DHRS7B: variants seen among roughly 807,000 people sequenced by gnomAD.
The protein encoded by DHRS7B is dehydrogenase/reductase 7B.
A neutral mutation model predicts 26.4 loss-of-function variants in DHRS7B; 24 were observed. The observed-to-expected ratio is 0.91, with a 90% CI of 0.66 to 1.28. The LOEUF is 1.28. Ranked by LOEUF, DHRS7B falls within the 50% of genes most tolerant of loss-of-function variation. DHRS7B has a pLI of 0.00. For synonymous variants in DHRS7B, 142 were observed against 166.4 expected, an observed-to-expected ratio of 0.85 and a Z score of 1.13; for missense variants, 368 against 419.4, an observed-to-expected ratio of 0.88 and a Z score of 1.07.
intron 1 of DHRS7B, among the ~76,000 whole-genome samples, chr17:21,144,100 G>GAA (rs1373472008): frequency 1.3e-5 from 2 of 152,208 alleles, no homozygotes; most frequent in Non-Finnish European, 2.9e-5. Flanking sequence ...CTATCAGGTT[G>GAA]AGAAACACTC....
At chr17:21,171,303 C>G (rs1054186712) in intron 1 of DHRS7B, among the ~76,000 whole-genome samples, 4 of 152,266 alleles carry the variant, frequency 2.6e-5, no homozygotes, top group Admixed American at 6.5e-5. Flanking sequence ...CAACTGCACA[C>G]TGTTGCACAG....
At chr17:21,137,395 C>T (rs1369508129) in intron 1 of DHRS7B, among the ~76,000 whole-genome samples, 1 of 149,530 alleles carries the variant, frequency 6.7e-6, no homozygotes, top group Admixed American at 6.7e-5. Flanking sequence ...TTACCGGGTT[C>T]ACACCATCCT....
intron 1 of DHRS7B, among the ~76,000 whole-genome samples, chr17:21,136,510 C>T (rs968062801): frequency 6.7e-6 from 1 of 149,914 alleles, no homozygotes; most frequent in Non-Finnish European, 1.5e-5. Flanking sequence ...AACTCCGTCT[C>T]AAAAGAAAAA....
At chr17:21,172,329 G>A (rs1276224568) in intron 2 of DHRS7B, 133 bp downstream of exon 2, 5 of 1,086,482 alleles carry the variant, frequency 4.6e-6, no homozygotes, top group East Asian at 2.6e-5. Context: ...GAAGTGGGCC[G>A]GATGGCACTG....
In DHRS7B at chr17:21,188,732, C is replaced by T; in HGVS notation, c.641C>T (p.Thr214Ile). Reference sequence around the variant, plus strand: ...GTAGATGCAGCCTCCAAGCACGCAACCCAGGCTTTCTTTGACTGTCTGCGT... The same window carrying T: ...GTAGATGCAGCCTCCAAGCACGCAATCCAGGCTTTCTTTGACTGTCTGCGT... ...RSAYAASKHA[T>I]QAFFDCLRAE... The change falls in exon 6 of 7, where the codon ACC (threonine) becomes ATC (isoleucine). Residue 214 changes from threonine (T) to isoleucine (I), a missense_variant. Physicochemically the swap from Thr to Ile is moderately conservative, Grantham distance 89. Coordinates refer to ENST00000395511, the MANE Select transcript of DHRS7B (RefSeq NM_015510.5). The T allele has an allele frequency of 6.2e-7, 1 of 1,604,836 alleles. No homozygotes were observed. Among genetic ancestry groups the T allele is most frequent in the East Asian group, 2.2e-5 (1 of 44,492 alleles).
intron 1 of DHRS7B, among the ~76,000 whole-genome samples, chr17:21,170,628 T>C (rs561607381): frequency 1.3e-5 from 2 of 152,336 alleles, no homozygotes; most frequent in African/African-American, 4.8e-5. Flanking sequence ...AATTCAGGTG[T>C]ATCTGGAAAA....
intron 1 of DHRS7B, among the ~76,000 whole-genome samples, chr17:21,151,506 C>G (rs572736906): frequency 1.9e-5 from 2 of 103,984 alleles, no homozygotes; most frequent in Non-Finnish European, 4.1e-5. Flanking sequence ...GTGTGAGACT[C>G]TGTCTCAAAA....
chr17:21,157,452 T>C (rs1246789098), intron 1 of DHRS7B, among the ~76,000 whole-genome samples: 2 of 152,122 alleles, frequency 1.3e-5, no homozygotes, highest in African/African-American at 2.4e-5. Context: ...TCCCAGCACG[T>C]TGGGAGGGCT....
intron 3 of DHRS7B, 112 bp downstream of exon 3, chr17:21,178,454 A>G: frequency 1.2e-6 from 1 of 847,860 alleles, no homozygotes; most frequent in East Asian, 2.6e-5. Flanking sequence ...TCCATGCGTC[A>G]CACTGTCCCA....
intron 1 of DHRS7B, among the ~76,000 whole-genome samples, chr17:21,130,451 G>T (rs999646723): frequency 2.6e-5 from 4 of 152,062 alleles, no homozygotes; most frequent in Non-Finnish European, 4.4e-5. Flanking sequence ...TTTGTAAAGG[G>T]GGGGTTCCAG....
chr17:21,164,211 T>A (rs1436609246), intron 1 of DHRS7B, among the ~76,000 whole-genome samples: 2 of 150,758 alleles, frequency 1.3e-5, no homozygotes, highest in Non-Finnish European at 3.0e-5. Flanking sequence ...TCACTTTTTT[T>A]ATACAGACGG....
chr17:21,160,530 A>C (rs1241662527), intron 1 of DHRS7B, among the ~76,000 whole-genome samples: 1 of 152,210 alleles, frequency 6.6e-6, no homozygotes, highest in Non-Finnish European at 1.5e-5. Flanking sequence ...GTGAGATACC[A>C]CCACTAAATA....
intron 1 of DHRS7B, among the ~76,000 whole-genome samples, chr17:21,171,231 G>A (rs2144122910): frequency 6.6e-6 from 1 of 152,342 alleles, no homozygotes; most frequent in South Asian, 2.1e-4. Flanking sequence ...TGAATGCGGA[G>A]GAATGGGGGA....
intron 1 of DHRS7B, among the ~76,000 whole-genome samples, chr17:21,140,022 C>CTTTTTT (rs201900387): frequency 0.039 from 4,165 of 106,138 alleles, 534 homozygotes; most frequent in African/African-American, 0.073. Flanking sequence ...CTTTCAGATT[C>CTTTTTT]TTTTTTTTTT....
chr17:21,157,790 C>A (rs1042943363), intron 1 of DHRS7B, among the ~76,000 whole-genome samples: 1 of 151,894 alleles, frequency 6.6e-6, no homozygotes, highest in African/African-American at 2.4e-5. Context: ...CCCATCTCTA[C>A]AAAAATGACC....
At chr17:21,171,871 C>A in intron 1 of DHRS7B, 147 bp from the exon 2 acceptor site, 1 of 981,764 alleles carries the variant, frequency 1.0e-6, no homozygotes, top group Non-Finnish European at 1.6e-6. Context: ...GCCGAGGGTG[C>A]AGGGCCTGGG....
intron 1 of DHRS7B, among the ~76,000 whole-genome samples, chr17:21,169,561 C>G (rs1317126689): frequency 1.3e-5 from 2 of 152,204 alleles, no homozygotes; most frequent in African/African-American, 4.8e-5. Context: ...CCAAGCCAGG[C>G]TGGCTTGAGG....
chr17:21,159,264 T>TA (rs957910171), intron 1 of DHRS7B, among the ~76,000 whole-genome samples: 3 of 150,504 alleles, frequency 2.0e-5, no homozygotes, highest in African/African-American at 7.4e-5. Flanking sequence ...TTTTTTTTTT[T>TA]AAAGACGGAG....
At chr17:21,190,627 C>G (rs944282144) in intron 6 of DHRS7B, among the ~76,000 whole-genome samples, 1 of 152,256 alleles carries the variant, frequency 6.6e-6, no homozygotes, top group Admixed American at 6.5e-5. Flanking sequence ...CGGGCTGGCC[C>G]TGTGCCTTTG....
Sources: gnomAD v4.1 joint callset for allele counts (sites outside exome capture counted in the v4.1 genomes callset) on GRCh38, gnomAD v4.1.1 for gene constraint, MANE v1.5 for transcripts, NCBI Gene and HGNC (gene_info 2026-07-23, HGNC 2026-07-21) for gene names.